MIA2: variants seen among roughly 807,000 people sequenced by gnomAD.
MIA2 encodes MIA SH3 domain ER export factor 2, also known as melanoma inhibitory activity protein 2.
In MIA2, 127 loss-of-function variants were observed where a neutral mutation model predicts 167.8. That is an observed-to-expected ratio of 0.76 (90% CI 0.66 to 0.88). The LOEUF (loss-of-function observed/expected upper bound fraction) is 0.88, where lower values mean the gene tolerates loss of function less well. MIA2 is among the 40% of genes least tolerant of loss of function. The pLI, the probability that MIA2 is intolerant of heterozygous loss-of-function variation, is 0.00. For synonymous variants in MIA2, 552 were observed against 541.9 expected, an observed-to-expected ratio of 1.02 and a Z score of -0.26; for missense variants, 1,690 against 1,624.7, an observed-to-expected ratio of 1.04 and a Z score of -0.69.
chr14:39,384,135 G>A (rs886389625), intron 23 of MIA2, among the ~76,000 whole-genome samples: 2 of 152,170 alleles, frequency 1.3e-5, no homozygotes, highest in African/African-American at 4.8e-5. Flanking sequence ...AGCTTCAAAG[G>A]GCAGACTGAC....
chr14:39,310,687 T>C (rs2064094505), intron 18 of MIA2, among the ~76,000 whole-genome samples: 1 of 152,200 alleles, frequency 6.6e-6, no homozygotes, highest in Non-Finnish European at 1.5e-5. Flanking sequence ...CTTTATCTAT[T>C]TGGAAACTGG....
chr14:39,380,489 TAGAG>T (rs147684847), intron 23 of MIA2, among the ~76,000 whole-genome samples: 172 of 152,126 alleles, frequency 1.1e-3, no homozygotes, highest in African/African-American at 3.4e-3. Context: ...GGTCAAGAGA[TAGAG>T]AGCATCCTGG....
chr14:39,267,011 C>T, intron 6 of MIA2: 4 of 938,706 alleles, frequency 4.3e-6, no homozygotes, highest in Non-Finnish European at 5.2e-6. Flanking sequence ...CCAAGCCTCT[C>T]CACTACCAGG....
intron 6 of MIA2, among the ~76,000 whole-genome samples, chr14:39,271,464 A>G (rs761487159): frequency 6.6e-6 from 1 of 152,016 alleles, no homozygotes; most frequent in Non-Finnish European, 1.5e-5. Context: ...TTCTTTATCA[A>G]TATTGTTTTG....
At chr14:39,289,300 C>T (rs1005068005) in intron 9 of MIA2, among the ~76,000 whole-genome samples, 15 of 151,960 alleles carry the variant, frequency 9.9e-5, no homozygotes, top group Middle Eastern at 3.2e-3. Context: ...CTGCAACTTC[C>T]GCCTCATGGG....
At chr14:39,280,650 G>A (rs1166506468) in intron 9 of MIA2, among the ~76,000 whole-genome samples, 4 of 152,166 alleles carry the variant, frequency 2.6e-5, no homozygotes, top group South Asian at 2.1e-4. Flanking sequence ...GGAGAATGGC[G>A]TGAACCAGGA....
intron 6 of MIA2, among the ~76,000 whole-genome samples, chr14:39,259,327 C>T (rs1290442037): frequency 6.6e-6 from 1 of 152,124 alleles, no homozygotes; most frequent in African/African-American, 2.4e-5. Context: ...GCAGTTCCAC[C>T]CAGTCCAGAC....
chr14:39,267,980 A>ATT (rs10700134), intron 6 of MIA2, among the ~76,000 whole-genome samples: 50,433 of 144,784 alleles, frequency 0.35, 10,164 homozygotes, highest in Non-Finnish European at 0.46. Context: ...TTGATTCTGC[A>ATT]TTTTTTTTTT....
intron 9 of MIA2, among the ~76,000 whole-genome samples, chr14:39,288,465 A>ATTTTTTTTTTT (rs1410286393): frequency 2.3e-5 from 1 of 42,696 alleles, no homozygotes; most frequent in Non-Finnish European, 3.8e-5. Context: ...ATATATATAT[A>ATTTTTTTTTTT]TATATATATA....
intron 9 of MIA2, among the ~76,000 whole-genome samples, chr14:39,285,970 C>T (rs552325251): frequency 2.5e-4 from 38 of 151,720 alleles, no homozygotes; most frequent in Non-Finnish European, 4.6e-4. Flanking sequence ...ACTGGGCAGC[C>T]GGGCAGAGGG....
At chr14:39,385,493 G>C (rs1595973157) in intron 23 of MIA2, 1 of 892,388 alleles carries the variant, frequency 1.1e-6, no homozygotes, top group Non-Finnish European at 1.9e-6. Context: ...TTGCTCTCCT[G>C]TGTCACAGCG....
chr14:39,315,760 TG>T (rs778015621), intron 21 of MIA2, 42 bp downstream of exon 21: 198 of 1,336,710 alleles, frequency 1.5e-4, no homozygotes, highest in Middle Eastern at 1.9e-4. Context: ...TCAAATTGTA[TG>T]TTTTTTTCAG....
intron 18 of MIA2, among the ~76,000 whole-genome samples, chr14:39,313,083 GAT>G (rs1211386662): frequency 6.6e-6 from 1 of 151,940 alleles, no homozygotes; most frequent in African/African-American, 2.4e-5. Context: ...CTATTTTTAA[GAT>G]AAATTTATAT....
chr14:39,308,545 T>G lies in MIA2; in HGVS notation c.2975T>G (p.Val992Gly). 6.3e-7 allele frequency: 1 copy of G among 1,574,866 alleles called. No homozygotes were observed. The highest frequency in any genetic ancestry group is 8.6e-7 in the Non-Finnish European group (1 of 1,158,532). The change falls in exon 18 of 29, where the codon GTA becomes GGA. Residue 992 changes from valine (V) to glycine (G), a missense_variant. By Grantham distance (109) the Val-to-Gly change is moderately radical. Transcript: ENST00000640607. ...ENQKLQQKLK[V>G]MTELYQENEM... ...CAGAAGCTTCAACAGAAACTTAAAG[T>G]AATGACTGAATTATATCAAGAAAAT...
At chr14:39,287,633 G>A (rs1016238708) in intron 9 of MIA2, among the ~76,000 whole-genome samples, 4 of 151,554 alleles carry the variant, frequency 2.6e-5, no homozygotes, top group East Asian at 1.9e-4. Flanking sequence ...GCGTGATCTC[G>A]GCTCACTGCA....
intron 12 of MIA2, 119 bp downstream of exon 12, chr14:39,294,190 A>ATT (rs34805892): frequency 0.21 from 104,833 of 508,726 alleles, 5,982 homozygotes; most frequent in East Asian, 0.35. Flanking sequence ...CCAGATATGT[A>ATT]TTTTTTTTTT....
chr14:39,336,847 G>A (rs887127235), intron 25 of MIA2, among the ~76,000 whole-genome samples: 1 of 152,112 alleles, frequency 6.6e-6, no homozygotes, highest in Non-Finnish European at 1.5e-5. Flanking sequence ...CTGATCTCAA[G>A]CAATCCTCCC....
intron 6 of MIA2, among the ~76,000 whole-genome samples, chr14:39,254,287 C>A (rs2054717160): frequency 6.6e-6 from 1 of 152,218 alleles, no homozygotes; most frequent in Admixed American, 6.5e-5. Flanking sequence ...GCACAATAAG[C>A]AATTGAGTTT....
chr14:39,341,262 G>A lies in MIA2; in HGVS notation c.3656-4642G>A, dbSNP rs961193806. 5.3e-5 allele frequency among the ~76,000 whole-genome samples: 8 copies of A among 151,772 alleles called. No individual in the cohort carries two copies. The South Asian group carries it at 6.2e-4, about 12-fold the overall frequency. On this transcript the variant is annotated intron_variant, in intron 25 of 28. Coordinates refer to ENST00000640607, the MANE Select transcript of MIA2 (RefSeq NM_001329214.4). ...GCTTACAGTGAGCTGAGACCGCACC[G>A]TTGCACTCCAGCCTGGGCAACAGAG...
Sources: allele counts gnomAD v4.1 joint callset (sites outside exome capture counted in the v4.1 genomes callset), GRCh38; gene constraint gnomAD v4.1.1; transcripts MANE v1.5; gene names NCBI Gene and HGNC (gene_info 2026-07-23, HGNC 2026-07-21).